The following XKR9 variants were observed in gnomAD, a reference collection of about 807,000 sequenced individuals.
The protein encoded by XKR9 is XK related 9, also known as XK-related protein 9.
XKR9 carries 32 observed loss-of-function variants against 32.0 expected under a neutral mutation model. That is an observed-to-expected ratio of 1.00 (90% CI 0.76 to 1.34). The LOEUF (loss-of-function observed/expected upper bound fraction) is 1.34, where lower values mean the gene tolerates loss of function less well. Ranked by LOEUF, XKR9 falls within the 40% of genes most tolerant of loss-of-function variation. The pLI is 0.00. For missense variants in XKR9, 546 were observed against 429.7 expected, an observed-to-expected ratio of 1.27 and a Z score of -2.39; for synonymous variants, 168 against 143.4, an observed-to-expected ratio of 1.17 and a Z score of -1.22.
chr8:70,691,683 T>C (rs952685130), intron 3 of XKR9, among the ~76,000 whole-genome samples: 4 of 152,190 alleles, frequency 2.6e-5, no homozygotes, highest in Non-Finnish European at 4.4e-5. Context: ...TTTTTCCCCA[T>C]TGCTTGTTTT....
intron 3 of XKR9, among the ~76,000 whole-genome samples, chr8:70,698,973 T>G (rs1004512844): frequency 3.9e-5 from 6 of 152,180 alleles, no homozygotes; most frequent in African/African-American, 1.4e-4. Context: ...CTTTGTTGGT[T>G]TAAAGTCTCT....
chr8:70,826,952 C>T, the XKR9 span, among the ~76,000 whole-genome samples: 3 of 152,172 alleles, frequency 2.0e-5, no homozygotes, highest in South Asian at 2.1e-4. Flanking sequence ...AAAATGCAGG[C>T]TACAGGCTCA....
At chr8:70,854,287 G>A in the XKR9 span, among the ~76,000 whole-genome samples, 1 of 152,194 alleles carries the variant, frequency 6.6e-6, no homozygotes, top group African/African-American at 2.4e-5. Flanking sequence ...GTGATGATGA[G>A]CATTTTTTCA....
At chr8:71,013,918 G>A in the XKR9 span, among the ~76,000 whole-genome samples, 1 of 152,056 alleles carries the variant, frequency 6.6e-6, no homozygotes, top group Non-Finnish European at 1.5e-5. Flanking sequence ...AGTCAAATAT[G>A]AGCTGATTTC....
At chr8:71,045,124 CTT>C in the XKR9 span, among the ~76,000 whole-genome samples, 2 of 152,126 alleles carry the variant, frequency 1.3e-5, no homozygotes, top group Admixed American at 6.5e-5. Flanking sequence ...ATAAAATACT[CTT>C]TTATTTCCAA....
chr8:70,958,965 C>T, the XKR9 span, among the ~76,000 whole-genome samples: 1 of 151,604 alleles, frequency 6.6e-6, no homozygotes, highest in South Asian at 2.1e-4. Context: ...TAGTATATAG[C>T]CTATTATACA....
chr8:70,695,192 T>TATA (rs1443552228), intron 3 of XKR9, among the ~76,000 whole-genome samples: 1 of 151,358 alleles, frequency 6.6e-6, no homozygotes, highest in Non-Finnish European at 1.5e-5. Context: ...TTATTATTAT[T>TATA]ATACTTTAAG....
the XKR9 span, among the ~76,000 whole-genome samples, chr8:70,956,182 C>T: frequency 4.6e-5 from 7 of 152,138 alleles, no homozygotes; most frequent in East Asian, 1.9e-4. Flanking sequence ...TCTTCTCCCA[C>T]GTCCAGAAAG....
the XKR9 span, among the ~76,000 whole-genome samples, chr8:70,801,859 A>G: frequency 6.6e-6 from 1 of 151,856 alleles, no homozygotes; most frequent in African/African-American, 2.4e-5. Context: ...CTGGGTGCAT[A>G]TATATGTACA....
chr8:70,701,351 T>C (rs1805528031), intron 3 of XKR9, among the ~76,000 whole-genome samples: 1 of 152,200 alleles, frequency 6.6e-6, no homozygotes, highest in African/African-American at 2.4e-5. Context: ...CTGTCCTGCC[T>C]TGTTTTTCTT....
the XKR9 span, among the ~76,000 whole-genome samples, chr8:70,800,102 G>A: frequency 4.1e-4 from 63 of 152,244 alleles, no homozygotes; most frequent in African/African-American, 1.2e-3. Context: ...AGCCTTTTCT[G>A]CATCTATTGA....
the XKR9 span, among the ~76,000 whole-genome samples, chr8:71,028,911 A>AGAGG: frequency 1.1e-4 from 17 of 151,624 alleles, no homozygotes; most frequent in Admixed American, 1.1e-3. Context: ...ACACAGAAAG[A>AGAGG]GAGAGAGAGA....
At chr8:70,679,136 T>C (rs1279192547) in intron 2 of XKR9, among the ~76,000 whole-genome samples, 1 of 152,148 alleles carries the variant, frequency 6.6e-6, no homozygotes, top group African/African-American at 2.4e-5. Flanking sequence ...TTCCTCTTCT[T>C]GTAAGAACTC....
chr8:71,019,195 T>C, the XKR9 span, among the ~76,000 whole-genome samples: 1 of 152,258 alleles, frequency 6.6e-6, no homozygotes, highest in South Asian at 2.1e-4. Context: ...AGGTATTTTA[T>C]AGATGGAGAA....
chr8:70,784,920 C>T (rs1310226642), intron 2 of XKR9, among the ~76,000 whole-genome samples: 1 of 150,868 alleles, frequency 6.6e-6, no homozygotes, highest in Non-Finnish European at 1.5e-5. Context: ...GAAAGGATGT[C>T]GAATTTAATC....
intron 3 of XKR9, among the ~76,000 whole-genome samples, chr8:70,685,131 G>A (rs1208388667): frequency 1.3e-5 from 2 of 151,950 alleles, no homozygotes; most frequent in African/African-American, 4.8e-5. Context: ...TTAAGAAAAT[G>A]TGGCACATAT....
intron 3 of XKR9, among the ~76,000 whole-genome samples, chr8:70,690,951 C>G (rs150022836): frequency 6.6e-6 from 1 of 152,058 alleles, no homozygotes; most frequent in African/African-American, 2.4e-5. Context: ...ATTGCTGGGT[C>G]GAATGGTAGT....
chr8:70,755,379 T>C (rs1188170845), intron 2 of XKR9, among the ~76,000 whole-genome samples: 1 of 152,154 alleles, frequency 6.6e-6, no homozygotes, highest in African/African-American at 2.4e-5. Context: ...GAACTAGAAA[T>C]ACCATTTGAC....
chr8:71,064,630 C>T, the XKR9 span, among the ~76,000 whole-genome samples: 526 of 151,982 alleles, frequency 3.5e-3, 2 homozygotes, highest in African/African-American at 0.012. Flanking sequence ...CTTTTGGCAC[C>T]GTGAATAATC....
Sources: allele counts gnomAD v4.1 joint callset (sites outside exome capture counted in the v4.1 genomes callset), GRCh38; gene constraint gnomAD v4.1.1; transcripts MANE v1.5; gene names NCBI Gene and HGNC (gene_info 2026-07-23, HGNC 2026-07-21).